The following ROBO2 variants were observed in gnomAD, a reference collection of about 807,000 sequenced individuals.
ROBO2 encodes roundabout guidance receptor 2, also known as roundabout homolog 2.
ROBO2 carries 53 observed loss-of-function variants against 160.8 expected under a neutral mutation model. The observed-to-expected ratio is 0.33, with a 90% CI of 0.26 to 0.41. The LOEUF (loss-of-function observed/expected upper bound fraction) is 0.41. Among genes scored for constraint, ROBO2 ranks in the 10% least tolerant of loss-of-function variants. The pLI is 1.00. For missense variants in ROBO2, 1,577 were observed against 1,722.4 expected (o/e 0.92, Z 1.49); for synonymous variants, 664 against 611.7 (o/e 1.09, Z -1.26).
At chr3:76,164,604 A>G (rs1483024454) in intron 2 of ROBO2, among the ~76,000 whole-genome samples, 2 of 152,180 alleles carry the variant, frequency 1.3e-5, no homozygotes, top group Non-Finnish European at 2.9e-5. Flanking sequence ...AGCATTATCA[A>G]TAAGCTGTAA....
chr3:76,551,628 G>A lies in ROBO2; in HGVS notation c.110-546386G>A, dbSNP rs558162927. 5.9e-5 allele frequency among the ~76,000 whole-genome samples: 9 copies of A among 152,222 alleles called. No homozygotes were observed. The South Asian group carries it at 6.2e-4, about 11-fold the overall frequency. On this transcript the variant is annotated intron_variant, in intron 2 of 26. Transcript: ENST00000487694. ...AGACCTAGAGGATCCCTGAACCAGC[G>A]CTGTGACACCCTCCTGGGGTTTTGT...
At chr3:76,888,780 G>A (rs1423344860) in intron 2 of ROBO2, among the ~76,000 whole-genome samples, 1 of 152,160 alleles carries the variant, frequency 6.6e-6, no homozygotes, top group Admixed American at 6.5e-5. Flanking sequence ...CAAGAGTTAA[G>A]GAAGCTGATT....
chr3:76,751,905 C>T (rs1162860131), intron 2 of ROBO2, among the ~76,000 whole-genome samples: 1 of 152,180 alleles, frequency 6.6e-6, no homozygotes, highest in East Asian at 1.9e-4. Context: ...GGATCTAGAA[C>T]TAGAAATACC....
At chr3:76,599,302 C>T (rs1417578281) in intron 2 of ROBO2, among the ~76,000 whole-genome samples, 4 of 152,160 alleles carry the variant, frequency 2.6e-5, no homozygotes, top group Non-Finnish European at 5.9e-5. Context: ...TTAGCTCCCA[C>T]TTAAAAGTGA....
At chr3:76,969,776 G>T (rs1313273227) in intron 2 of ROBO2, among the ~76,000 whole-genome samples, 5 of 152,002 alleles carry the variant, frequency 3.3e-5, no homozygotes, top group Admixed American at 3.3e-4. Flanking sequence ...TTCTTAAGCT[G>T]TGATAAAACC....
At chr3:77,274,072 G>A (rs1035044255) in intron 2 of ROBO2, among the ~76,000 whole-genome samples, 4 of 151,682 alleles carry the variant, frequency 2.6e-5, no homozygotes, top group African/African-American at 9.7e-5. Flanking sequence ...ATATATTCCT[G>A]GTTCTAGCTG....
At chr3:76,555,060 G>T (rs1354097774) in intron 2 of ROBO2, among the ~76,000 whole-genome samples, 1 of 151,724 alleles carries the variant, frequency 6.6e-6, no homozygotes, top group East Asian at 1.9e-4. Flanking sequence ...TTTATAGAAA[G>T]TCTTTACCCC....
At chr3:75,950,497 T>C (rs184750775) in intron 2 of ROBO2, among the ~76,000 whole-genome samples, 60 of 152,246 alleles carry the variant, frequency 3.9e-4, no homozygotes, top group African/African-American at 1.4e-3. Context: ...GCGAAGAGTA[T>C]GTTGCCAGGA....
chr3:77,271,530 G>A (rs1453843565), intron 2 of ROBO2, among the ~76,000 whole-genome samples: 1 of 152,156 alleles, frequency 6.6e-6, no homozygotes, highest in Non-Finnish European at 1.5e-5. Context: ...TGAGTGGGAG[G>A]AATTCAGCAT....
chr3:75,986,146 C>T (rs1459505300), intron 2 of ROBO2, among the ~76,000 whole-genome samples: 3 of 151,522 alleles, frequency 2.0e-5, no homozygotes, highest in Non-Finnish European at 4.4e-5. Flanking sequence ...TATCATTTTA[C>T]ATCCTCACCA....
At chr3:76,434,642 A>C in intron 2 of ROBO2, 1 of 1,322,556 alleles carries the variant, frequency 7.6e-7, no homozygotes, top group South Asian at 1.2e-5. Flanking sequence ...TGGCAAAAGA[A>C]CTGAGTGGAC....
chr3:76,192,524 C>CCACACACACACACA (rs3039244), intron 2 of ROBO2, among the ~76,000 whole-genome samples: 6 of 130,084 alleles, frequency 4.6e-5, no homozygotes, highest in Admixed American at 1.6e-4. Flanking sequence ...CAACACTCCA[C>CCACACACACACACA]CACACACACA....
intron 2 of ROBO2, among the ~76,000 whole-genome samples, chr3:77,158,412 C>T (rs905205890): frequency 6.6e-6 from 1 of 151,982 alleles, no homozygotes; most frequent in East Asian, 1.9e-4. Flanking sequence ...AAACAGACGG[C>T]AAACCATATG....
chr3:77,242,974 C>T (rs1463933177), intron 2 of ROBO2, among the ~76,000 whole-genome samples: 1 of 150,260 alleles, frequency 6.7e-6, no homozygotes, highest in Non-Finnish European at 1.5e-5. Flanking sequence ...TGCATGTGTG[C>T]GTGCGTGTTT....
intron 2 of ROBO2, among the ~76,000 whole-genome samples, chr3:76,593,122 C>A (rs1462838388): frequency 6.6e-6 from 1 of 152,102 alleles, no homozygotes; most frequent in Non-Finnish European, 1.5e-5. Context: ...GTACCATTCA[C>A]TGTGCATCAT....
intron 2 of ROBO2, among the ~76,000 whole-genome samples, chr3:76,536,800 T>C (rs2082532114): frequency 1.3e-5 from 2 of 152,058 alleles, no homozygotes; most frequent in Non-Finnish European, 2.9e-5. Flanking sequence ...AGTCAAACAT[T>C]GGAATTCCTG....
intron 2 of ROBO2, among the ~76,000 whole-genome samples, chr3:76,940,708 A>G (rs897500088): frequency 6.6e-6 from 1 of 152,136 alleles, no homozygotes; most frequent in African/African-American, 2.4e-5. Context: ...CACTAACTCA[A>G]TTCTGCTTCC....
chr3:76,907,000 G>C (rs1196819288), intron 2 of ROBO2, among the ~76,000 whole-genome samples: 1 of 151,988 alleles, frequency 6.6e-6, no homozygotes, highest in Non-Finnish European at 1.5e-5. Context: ...CCTCCTGCTA[G>C]AATGCAAGCT....
At chr3:76,498,752 G>C (rs185161647) in intron 2 of ROBO2, among the ~76,000 whole-genome samples, 1 of 144,840 alleles carries the variant, frequency 6.9e-6, no homozygotes, top group Admixed American at 7.1e-5. Flanking sequence ...GCACAATCTC[G>C]ACTCACTGCC....
Sources: allele counts gnomAD v4.1 joint callset (sites outside exome capture counted in the v4.1 genomes callset), GRCh38; gene constraint gnomAD v4.1.1; transcripts MANE v1.5; gene names NCBI Gene and HGNC (gene_info 2026-07-23, HGNC 2026-07-21).